Variants in GNAQ observed in about 807,000 individuals in gnomAD.
The protein encoded by GNAQ is G protein subunit alpha q, also known as guanine nucleotide-binding protein G(q) subunit alpha.
A neutral mutation model predicts 43.9 loss-of-function variants in GNAQ; 8 were observed. That is an observed-to-expected ratio of 0.18 (90% CI 0.11 to 0.33). The LOEUF is 0.33. Ranked by LOEUF, GNAQ falls within the 10% of genes least tolerant of loss-of-function variation. GNAQ has a pLI of 1.00. For synonymous variants in GNAQ, 155 were observed against 170.7 expected (o/e 0.91, Z 0.71); for missense variants, 158 against 450.8 (o/e 0.35, Z 5.88).
intron 1 of GNAQ, among the ~76,000 whole-genome samples, chr9:77,950,416 C>T (rs961684638): frequency 6.6e-6 from 1 of 152,230 alleles, no homozygotes; most frequent in Non-Finnish European, 1.5e-5. Flanking sequence ...TCCTTGAACA[C>T]ACACACCAGC....
chr9:77,863,220 G>A (rs371646352), intron 2 of GNAQ, among the ~76,000 whole-genome samples: 4,640 of 34,254 alleles, frequency 0.14, 106 homozygotes, highest in South Asian at 0.25. Flanking sequence ...GGAAGGAAGG[G>A]AGGAAGGAAG....
intron 2 of GNAQ, among the ~76,000 whole-genome samples, chr9:77,855,575 G>A (rs1202928186): frequency 1.3e-5 from 2 of 152,006 alleles, no homozygotes; most frequent in African/African-American, 4.8e-5. Flanking sequence ...CACAGCCCAT[G>A]TCTATGATGG....
intron 2 of GNAQ, among the ~76,000 whole-genome samples, chr9:77,880,641 T>C (rs2118064553): frequency 6.6e-6 from 1 of 152,040 alleles, no homozygotes; most frequent in South Asian, 2.1e-4. Flanking sequence ...GAAAGCCTAC[T>C]TCATTAATTG....
chr9:77,966,399 TA>T (rs1271068339), intron 1 of GNAQ, among the ~76,000 whole-genome samples: 1 of 152,238 alleles, frequency 6.6e-6, no homozygotes, highest in Non-Finnish European at 1.5e-5. Flanking sequence ...TCTATTTTAC[TA>T]GGATCGTATT....
intron 1 of GNAQ, among the ~76,000 whole-genome samples, chr9:77,962,184 T>C (rs1278331355): frequency 6.6e-6 from 1 of 151,830 alleles, no homozygotes; most frequent in Non-Finnish European, 1.5e-5. Context: ...TGGAACAAAA[T>C]CGAGTTATCT....
chr9:77,898,535 A>G (rs1295829788), intron 2 of GNAQ, among the ~76,000 whole-genome samples: 1 of 152,190 alleles, frequency 6.6e-6, no homozygotes, highest in East Asian at 1.9e-4. Context: ...TGTTAGTTAT[A>G]GATGCACTGC....
chr9:77,906,157 T>C (rs1344838182), intron 2 of GNAQ, among the ~76,000 whole-genome samples: 1 of 152,210 alleles, frequency 6.6e-6, no homozygotes, highest in Non-Finnish European at 1.5e-5. Flanking sequence ...ATGTAATTAG[T>C]ATCTCCAGAA....
At chr9:77,890,448 G>T (rs537761324) in intron 2 of GNAQ, among the ~76,000 whole-genome samples, 1 of 152,218 alleles carries the variant, frequency 6.6e-6, no homozygotes, top group African/African-American at 2.4e-5. Flanking sequence ...GCAAGGCTGG[G>T]CACAGTGGCT....
At chr9:77,761,308 A>T (rs1274972279) in intron 5 of GNAQ, among the ~76,000 whole-genome samples, 2 of 63,286 alleles carry the variant, frequency 3.2e-5, no homozygotes, top group Non-Finnish European at 6.6e-5. Flanking sequence ...CAGCCGCCCC[A>T]TCCGGGAGGG....
intron 2 of GNAQ, among the ~76,000 whole-genome samples, chr9:77,818,937 T>C (rs1179940485): frequency 7.6e-6 from 1 of 132,268 alleles, no homozygotes; most frequent in Non-Finnish European, 1.5e-5. Flanking sequence ...GAGTTCAAGG[T>C]TACAGTGAGC....
At chr9:78,028,669 T>G (rs1212632677) in intron 1 of GNAQ, among the ~76,000 whole-genome samples, 3 of 152,202 alleles carry the variant, frequency 2.0e-5, no homozygotes, top group African/African-American at 7.2e-5. Flanking sequence ...TGGATACATC[T>G]TATAATCTCC....
At chr9:77,727,306 C>T (rs1825412084) in intron 6 of GNAQ, among the ~76,000 whole-genome samples, 1 of 152,098 alleles carries the variant, frequency 6.6e-6, no homozygotes, top group South Asian at 2.1e-4. Flanking sequence ...GTGTGAATCA[C>T]CACACCTGGC....
At chr9:77,762,837 C>T (rs879782132) in intron 5 of GNAQ, among the ~76,000 whole-genome samples, 7,488 of 130,750 alleles carry the variant, frequency 0.057, no homozygotes, top group Non-Finnish European at 0.077. Flanking sequence ...GCTGTGTCCA[C>T]TCAGGGTTAA....
chr9:77,998,926 A>C (rs1020274565), intron 1 of GNAQ, among the ~76,000 whole-genome samples: 6 of 151,586 alleles, frequency 4.0e-5, no homozygotes, highest in Non-Finnish European at 5.9e-5. Flanking sequence ...GTCTCTACTA[A>C]AACTACAAAA....
At chr9:77,943,554 C>A (rs1829344241) in intron 1 of GNAQ, among the ~76,000 whole-genome samples, 1 of 151,564 alleles carries the variant, frequency 6.6e-6, no homozygotes, top group Non-Finnish European at 1.5e-5. Flanking sequence ...TGATATAAAT[C>A]TCTAGTATGC....
rs1491563108 is a variant in GNAQ at position 77,804,693 on chromosome 9, GGT to G, written c.477-7047_477-7046del. Among the ~76,000 whole-genome samples the G allele has an allele frequency of 5.6e-3, 848 of 152,224 alleles. 1 individual carries two copies. The highest frequency in any genetic ancestry group is 0.019 in the African/African-American group (801 of 41,538). On this transcript the variant is annotated intron_variant, in intron 3 of 6. Transcript: ENST00000286548. Reference sequence around the variant, plus strand: ...GGGCTTTCAATGTAGCATGACACGGGGTGTGTGTTGGAGGTTGGGGAGCTCTT... The same window carrying G: ...GGGCTTTCAATGTAGCATGACACGGGGTGTGTTGGAGGTTGGGGAGCTCTT...
chr9:77,868,602 C>T lies in GNAQ; in HGVS notation c.322-52832G>A, dbSNP rs1827985288. Among the ~76,000 whole-genome samples the T allele has an allele frequency of 2.0e-5, 3 of 151,788 alleles. No homozygotes were observed. In the South Asian group the frequency reaches 6.2e-4, roughly 32 times the overall value. ...CATGAGGTCAAGAGATCAAGACCAT[C>T]CTGGCCAACATAGTGAAGTCCCGTC... is the stretch of plus-strand genomic sequence containing the variant. On this transcript the variant is annotated intron_variant, in intron 2 of 6. Transcript: ENST00000286548.
chr9:77,779,233 A>G (rs1826350563), intron 5 of GNAQ, among the ~76,000 whole-genome samples: 1 of 152,010 alleles, frequency 6.6e-6, no homozygotes, highest in Admixed American at 6.5e-5. Context: ...TCATACCACA[A>G]TGAAATGAAA....
At chr9:77,732,427 G>A (rs753048400) in intron 5 of GNAQ, among the ~76,000 whole-genome samples, 9 of 150,028 alleles carry the variant, frequency 6.0e-5, no homozygotes, top group Middle Eastern at 3.4e-3. Flanking sequence ...GTGCAGTTGC[G>A]TGATCTCAGC....
Sources: gnomAD v4.1 joint callset for allele counts (sites outside exome capture counted in the v4.1 genomes callset) on GRCh38, gnomAD v4.1.1 for gene constraint, MANE v1.5 for transcripts, NCBI Gene and HGNC (gene_info 2026-07-23, HGNC 2026-07-21) for gene names.